The following RASSF6 variants were observed in gnomAD, a reference collection of about 807,000 sequenced individuals.
The protein encoded by RASSF6 is ras association domain-containing protein 6.
In RASSF6, 52 loss-of-function variants were observed where a neutral mutation model predicts 44.0. The ratio of observed to expected loss-of-function variants is 1.18; its 90% CI spans 0.95 to 1.49. RASSF6 has a LOEUF of 1.49. Ranked by LOEUF, RASSF6 falls within the 40% of genes most tolerant of loss-of-function variation. The pLI is 0.00. For missense variants in RASSF6, 464 were observed against 393.3 expected (o/e 1.18, Z -1.52); for synonymous variants, 162 against 124.6 (o/e 1.30, Z -2.00).
chr4:73,591,380 T>C (rs532638646), intron 4 of RASSF6, among the ~76,000 whole-genome samples: 1 of 152,360 alleles, frequency 6.6e-6, no homozygotes, highest in Admixed American at 6.5e-5. Flanking sequence ...GGCATTTTCC[T>C]TTAATGTTTG....
intron 2 of RASSF6, among the ~76,000 whole-genome samples, chr4:73,608,905 C>T (rs1487256013): frequency 2.6e-5 from 4 of 152,230 alleles, no homozygotes; most frequent in Non-Finnish European, 5.9e-5. Context: ...GCTCTTTGTG[C>T]TTAATTTGTG....
chr4:73,576,833 A>G, intron 8 of RASSF6, 102 bp from the exon 9 acceptor site: 1 of 734,490 alleles, frequency 1.4e-6, no homozygotes, highest in Non-Finnish European at 2.3e-6. Flanking sequence ...TCACTTTGAA[A>G]AAAATAACAC....
intron 1 of RASSF6, among the ~76,000 whole-genome samples, chr4:73,619,839 T>A (rs1262292440): frequency 6.6e-6 from 1 of 152,054 alleles, no homozygotes; most frequent in Non-Finnish European, 1.5e-5. Context: ...CAGAAACAAA[T>A]AAAAGTTGAG....
intron 4 of RASSF6, among the ~76,000 whole-genome samples, chr4:73,592,738 C>A (rs1303463154): frequency 6.6e-6 from 1 of 152,128 alleles, no homozygotes; most frequent in African/African-American, 2.4e-5. Flanking sequence ...ACAATGAGCC[C>A]TTTGTTCCAA....
At chr4:73,588,814 T>TCATCATCATCATCAC (rs896118011) in intron 4 of RASSF6, among the ~76,000 whole-genome samples, 1 of 151,696 alleles carries the variant, frequency 6.6e-6, no homozygotes, top group East Asian at 1.9e-4. Flanking sequence ...ATCATCATCA[T>TCATCATCATCATCAC]CATCACCAGC....
intron 8 of RASSF6, among the ~76,000 whole-genome samples, chr4:73,578,151 CA>C (rs1208905741): frequency 3.9e-5 from 6 of 152,150 alleles, no homozygotes; most frequent in African/African-American, 4.8e-5. Context: ...TGAAAATAGA[CA>C]TTTTTTTCTT....
chr4:73,586,752 C>CAT (rs1724124507), intron 5 of RASSF6, among the ~76,000 whole-genome samples: 1 of 151,344 alleles, frequency 6.6e-6, no homozygotes, highest in African/African-American at 2.4e-5. Context: ...CCTTGGGTTT[C>CAT]ATATATATTT....
In RASSF6 at chr4:73,574,716, T is replaced by C. The variant is rs752208812; in HGVS notation, c.*1519A>G. 2.6e-5 allele frequency: 4 copies of C among 152,186 alleles called. No individual in the cohort carries two copies. The highest frequency in any genetic ancestry group is 5.9e-5 in the Non-Finnish European group (4 of 68,036). The allele number at this position is 152,186 out of a possible 1,614,324, so 9.4% of individuals were successfully genotyped here. ...CTGTTAAGATACGACTTTTTTCATA[T>C]ACTTAGTGGCCATTTGCATTCTCTC... is the stretch of plus-strand genomic sequence containing the variant. On this transcript the variant is annotated 3_prime_UTR_variant, in exon 11 of 11. Transcript: ENST00000307439.
intron 1 of RASSF6, among the ~76,000 whole-genome samples, chr4:73,613,830 A>G (rs1726178081): frequency 6.6e-6 from 1 of 152,118 alleles, no homozygotes. Flanking sequence ...CCTCCTTTGT[A>G]TGATCACTAA....
intron 2 of RASSF6, among the ~76,000 whole-genome samples, chr4:73,599,629 CTA>C (rs1185354969): frequency 3.9e-5 from 6 of 152,150 alleles, no homozygotes; most frequent in South Asian, 4.1e-4. Flanking sequence ...CTCAGTGTCT[CTA>C]TGTCTTGAGA....
intron 5 of RASSF6, among the ~76,000 whole-genome samples, chr4:73,586,165 G>A (rs1724072780): frequency 6.6e-6 from 1 of 151,176 alleles, no homozygotes; most frequent in African/African-American, 2.4e-5. Flanking sequence ...AGTATGCTTT[G>A]GACTAGTCCT....
At chr4:73,581,718 T>G (rs1044954732) in intron 8 of RASSF6, 99 bp downstream of exon 8, 2 of 718,050 alleles carry the variant, frequency 2.8e-6, no homozygotes, top group Non-Finnish European at 4.8e-6. Context: ...TTCCTCCCCT[T>G]TCTCCACAGA....
intron 8 of RASSF6, among the ~76,000 whole-genome samples, chr4:73,579,809 G>T (rs1357936747): frequency 6.6e-6 from 1 of 151,718 alleles, no homozygotes; most frequent in African/African-American, 2.4e-5. Flanking sequence ...TAAACAACTA[G>T]AATATGAATA....
chr4:73,591,977 T>C (rs544722346), intron 4 of RASSF6, among the ~76,000 whole-genome samples: 2 of 151,720 alleles, frequency 1.3e-5, no homozygotes, highest in South Asian at 2.1e-4. Context: ...TCAAGTGATA[T>C]AGAAAAGTTT....
In RASSF6 at chr4:73,576,250, T is replaced by A. The variant is rs754824402; in HGVS notation, c.999A>T (p.Thr333=). 19 of 1,553,328 alleles carry A rather than the reference T, an allele frequency of 1.2e-5. No individual in the cohort carries two copies. In the South Asian group the frequency reaches 1.9e-4, roughly 16 times the overall value. Residue 333 remains threonine, a synonymous_variant, in exon 11 of 11, where the codon ACA becomes ACT. Transcript: ENST00000307439. ...GCTTGTACTGCTAAACTGTTGTCTCTGTTTTTATTACTAGTTTATTTTGAA... is the reference window on the plus strand; with the variant it reads ...GCTTGTACTGCTAAACTGTTGTCTCAGTTTTTATTACTAGTTTATTTTGAA... ...KCLQNKLVIK[T]ETTV
intron 3 of RASSF6, among the ~76,000 whole-genome samples, chr4:73,598,262 C>G (rs1008373248): frequency 2.6e-5 from 4 of 152,130 alleles, no homozygotes; most frequent in Non-Finnish European, 5.9e-5. Flanking sequence ...ATTACAGATG[C>G]ATCATAATTT....
chr4:73,591,808 T>C (rs1027967256), intron 4 of RASSF6, among the ~76,000 whole-genome samples: 1 of 152,116 alleles, frequency 6.6e-6, no homozygotes, highest in African/African-American at 2.4e-5. Flanking sequence ...TGCTCTATAC[T>C]ATGGTTTGAA....
At chr4:73,595,306 G>T (rs1213260189) in intron 3 of RASSF6, among the ~76,000 whole-genome samples, 1 of 152,162 alleles carries the variant, frequency 6.6e-6, no homozygotes, top group Non-Finnish European at 1.5e-5. Context: ...TGATTCTCCT[G>T]TCTCAGCCTT....
Position 73,585,267 on chromosome 4 carries a change from C to G in RASSF6, c.480G>C (p.Val160=). 6.2e-7 allele frequency: 1 copy of G among 1,612,780 alleles called. No homozygotes were observed. The highest frequency in any genetic ancestry group is 8.5e-7 in the Non-Finnish European group (1 of 1,179,184). The part of the protein sequence containing the change: ...LYRTMSEAAL[V]RKRMKPLMMD... ...TCATCAGAGGCTTCATCCTTTTTCT[C>G]ACCAGAGCTGCTTCACTCATGGTTC... is the stretch of plus-strand genomic sequence containing the variant. The change falls in exon 6 of 11, where the codon GTG becomes GTC. Residue 160 remains valine (V), a synonymous_variant. Coordinates refer to ENST00000307439, the MANE Select transcript of RASSF6 (RefSeq NM_177532.5).
Sources: allele counts gnomAD v4.1 joint callset (sites outside exome capture counted in the v4.1 genomes callset), GRCh38; gene constraint gnomAD v4.1.1; transcripts MANE v1.5; gene names NCBI Gene and HGNC (gene_info 2026-07-23, HGNC 2026-07-21).